The following TPH2 variants were observed in gnomAD, a reference collection of about 807,000 sequenced individuals.
TPH2 encodes the protein tryptophan 5-hydroxylase 2.
Under a neutral mutation model 59.1 loss-of-function variants are expected in TPH2, and 27 were observed. That is an observed-to-expected ratio of 0.46 (90% CI 0.34 to 0.63). The LOEUF (loss-of-function observed/expected upper bound fraction) is 0.63. TPH2 is among the 30% of genes least tolerant of loss of function. TPH2 has a pLI of 0.01. For missense variants in TPH2, 523 were observed against 588.3 expected (o/e 0.89, Z 1.15); for synonymous variants, 220 against 210.5 (o/e 1.05, Z -0.39).
intron 8 of TPH2, among the ~76,000 whole-genome samples, chr12:72,015,300 GT>G (rs370890628): frequency 0.043 from 5,589 of 130,630 alleles, 192 homozygotes; most frequent in East Asian, 0.16. Flanking sequence ...CTTTTATGTG[GT>G]TTTTTTTTTG....
intron 5 of TPH2, among the ~76,000 whole-genome samples, chr12:71,960,544 T>C (rs1349174104): frequency 6.6e-6 from 1 of 152,144 alleles, no homozygotes; most frequent in Non-Finnish European, 1.5e-5. Context: ...AGCCTGAGAG[T>C]TGCAAAGAAA....
At chr12:71,961,300 C>A (rs1204844376) in intron 5 of TPH2, among the ~76,000 whole-genome samples, 2 of 152,176 alleles carry the variant, frequency 1.3e-5, no homozygotes, top group African/African-American at 2.4e-5. Context: ...GTGGGATAAG[C>A]ATTATATGAC....
chr12:72,031,914 T>C lies in TPH2; in HGVS notation c.*219T>C. ...TCATTGTATGAAATAACGTATTATG[T>C]TTAAACATCTTAAAAAGATTTGACA... On this transcript the variant is annotated 3_prime_UTR_variant, in exon 11 of 11. Coordinates refer to ENST00000333850, the MANE Select transcript of TPH2 (RefSeq NM_173353.4). The C allele has an allele frequency of 1.7e-6, 1 of 572,852 alleles. No homozygotes were observed. The highest frequency in any genetic ancestry group is 2.0e-5 in the South Asian group (1 of 50,282). 35.5% of individuals were successfully genotyped at this position (572,852 alleles called of 1,614,324 possible). A position where few individuals can be genotyped will look rare whatever the true frequency, so the allele number is the denominator to read the frequency against.
chr12:72,032,127 T>G lies in TPH2; in HGVS notation c.*432T>G, dbSNP rs1566178094. 1 of 197,796 alleles carries G rather than the reference T, an allele frequency of 5.1e-6. No homozygotes were observed. Among genetic ancestry groups the G allele is most frequent in the South Asian group, 9.8e-5 (1 of 10,176 alleles). 12.3% of individuals were successfully genotyped at this position (197,796 alleles called of 1,614,324 possible). ...TAGTATCAGTGTTTTCACGCATTAT[T>G]TGAGATAAACCCAGAATTGTAGGAA... On this transcript the variant is annotated 3_prime_UTR_variant, in exon 11 of 11. Transcript: ENST00000333850.
At chr12:72,001,026 C>G (rs181277801) in intron 8 of TPH2, among the ~76,000 whole-genome samples, 1 of 152,334 alleles carries the variant, frequency 6.6e-6, no homozygotes, top group East Asian at 1.9e-4. Flanking sequence ...TCAGTCTATT[C>G]ATTTCTCATA....
intron 5 of TPH2, among the ~76,000 whole-genome samples, chr12:71,952,600 C>T (rs1008753718): frequency 9.2e-5 from 14 of 152,076 alleles, no homozygotes; most frequent in African/African-American, 3.1e-4. Flanking sequence ...AGCTTAGAAT[C>T]CAGGGAATTA....
intron 8 of TPH2, among the ~76,000 whole-genome samples, chr12:71,995,990 C>G (rs1033006285): frequency 1.3e-5 from 2 of 152,184 alleles, no homozygotes; most frequent in African/African-American, 4.8e-5. Flanking sequence ...TATCTCAAAG[C>G]TTAGTGGCTT....
At chr12:72,022,546 A>G in intron 9 of TPH2, 52 bp downstream of exon 9, 1 of 1,282,552 alleles carries the variant, frequency 7.8e-7, no homozygotes, top group South Asian at 1.2e-5. Flanking sequence ...GTTCAAGGTC[A>G]GGGAAAATAT....
At chr12:72,019,607 A>G (rs1873354121) in intron 8 of TPH2, among the ~76,000 whole-genome samples, 1 of 152,180 alleles carries the variant, frequency 6.6e-6, no homozygotes, top group South Asian at 2.1e-4. Flanking sequence ...GACATATTAT[A>G]TGGTTTTGTT....
At chr12:72,009,832 A>G (rs1873053148) in intron 8 of TPH2, among the ~76,000 whole-genome samples, 1 of 152,210 alleles carries the variant, frequency 6.6e-6, no homozygotes, top group Non-Finnish European at 1.5e-5. Flanking sequence ...TGTAAACATC[A>G]ATTCTGGGGG....
At chr12:72,025,375 T>C (rs1489445709) in intron 9 of TPH2, among the ~76,000 whole-genome samples, 1 of 152,008 alleles carries the variant, frequency 6.6e-6, no homozygotes, top group Non-Finnish European at 1.5e-5. Context: ...TCTTCTCTTC[T>C]TAAACAGAAC....
At chr12:71,961,634 G>A (rs774451171) in intron 5 of TPH2, 1 of 1,352,094 alleles carries the variant, frequency 7.4e-7, no homozygotes, top group Admixed American at 1.9e-5. Flanking sequence ...CAAGCTCCTT[G>A]TGTATGTTGA....
intron 8 of TPH2, among the ~76,000 whole-genome samples, chr12:72,016,853 A>G (rs563165912): frequency 7.2e-5 from 11 of 152,250 alleles, no homozygotes; most frequent in Admixed American, 2.6e-4. Context: ...TCCTCCTAGA[A>G]GTTTATATGT....
chr12:72,005,565 T>G (rs1041778313), intron 8 of TPH2, among the ~76,000 whole-genome samples: 1 of 152,182 alleles, frequency 6.6e-6, no homozygotes, highest in Non-Finnish European at 1.5e-5. Context: ...GTTCTGGCAT[T>G]GGAAAAAGGA....
intron 5 of TPH2, among the ~76,000 whole-genome samples, chr12:71,972,185 T>A (rs1200641472): frequency 2.0e-5 from 3 of 152,212 alleles, no homozygotes; most frequent in Non-Finnish European, 4.4e-5. Context: ...GAAAATGCTC[T>A]CAGAGAATAG....
chr12:71,967,989 A>C (rs1402653878), intron 5 of TPH2, among the ~76,000 whole-genome samples: 1 of 152,048 alleles, frequency 6.6e-6, no homozygotes, highest in African/African-American at 2.4e-5. Flanking sequence ...TCTGGTTCTG[A>C]GACACTTTTC....
chr12:72,020,156 G>T (rs776519553), intron 8 of TPH2, among the ~76,000 whole-genome samples: 1 of 152,174 alleles, frequency 6.6e-6, no homozygotes, highest in Non-Finnish European at 1.5e-5. Context: ...TGTTACAAAG[G>T]GGGTGGGAGT....
At chr12:71,964,956 G>C (rs1331313545) in intron 5 of TPH2, 1 of 157,624 alleles carries the variant, frequency 6.3e-6, no homozygotes. Context: ...CCCTCCAGGA[G>C]ACCCCAGTGT....
intron 1 of TPH2, 34 bp from the exon 2 acceptor site, chr12:71,941,550 T>C: frequency 6.2e-7 from 1 of 1,606,992 alleles, no homozygotes; most frequent in Non-Finnish European, 8.5e-7. Flanking sequence ...CCCTAACTAA[T>C]ATTTTGTTTT....
Sources: allele counts gnomAD v4.1 joint callset (sites outside exome capture counted in the v4.1 genomes callset), GRCh38; gene constraint gnomAD v4.1.1; transcripts MANE v1.5; gene names NCBI Gene and HGNC (gene_info 2026-07-23, HGNC 2026-07-21).